Variants in ARMC6 observed in about 807,000 individuals in gnomAD.
The protein encoded by ARMC6 is armadillo repeat-containing protein 6.
ARMC6 carries 43 observed loss-of-function variants against 49.2 expected under a neutral mutation model. That is an observed-to-expected ratio of 0.87 (90% CI 0.69 to 1.13). The LOEUF (loss-of-function observed/expected upper bound fraction) is 1.13. Ranked by LOEUF, ARMC6 falls within the 50% of genes most tolerant of loss-of-function variation. The probability of loss-of-function intolerance (pLI) is 0.00; values close to 1 mark genes in which losing one functional copy is unlikely to be tolerated. For synonymous variants in ARMC6, 262 were observed against 289.6 expected (o/e 0.90, Z 0.97); for missense variants, 627 against 682.0 (o/e 0.92, Z 0.90).
chr19:19,057,329 C>G (rs1170911587), intron 8 of ARMC6, 87 bp from the exon 9 acceptor site: 5 of 1,128,934 alleles, frequency 4.4e-6, no homozygotes, highest in Non-Finnish European at 6.5e-6. Flanking sequence ...ATGATCACCT[C>G]CATCTTGTTA....
At chr19:19,040,678 TCTGA>T (rs1362983995) in intron 2 of ARMC6, 3 of 338,224 alleles carry the variant, frequency 8.9e-6, no homozygotes, top group Non-Finnish European at 1.8e-5. Flanking sequence ...TGCAACATCG[TCTGA>T]CTGTCAGCCA....
chr19:19,045,510 A>G (rs1208837600), intron 4 of ARMC6, among the ~76,000 whole-genome samples: 1 of 6,084 alleles, frequency 1.6e-4, no homozygotes, highest in Non-Finnish European at 3.7e-4. Context: ...TTTTTGAGAC[A>G]AGAGTCTCAC....
intron 8 of ARMC6, 86 bp downstream of exon 8, chr19:19,056,014 GC>G: frequency 6.9e-7 from 1 of 1,452,686 alleles, no homozygotes; most frequent in Non-Finnish European, 9.2e-7. Flanking sequence ...GGTGCGGTGT[GC>G]GGGTGGGTGA....
At chr19:19,038,943 A>G (rs140068540) in intron 2 of ARMC6, among the ~76,000 whole-genome samples, 151 of 151,334 alleles carry the variant, frequency 1.0e-3, no homozygotes, top group South Asian at 1.5e-3. Context: ...TTTAAGAGAT[A>G]TGGTCTCACT....
chr19:19,049,194 G>A (rs889238561), intron 4 of ARMC6, among the ~76,000 whole-genome samples: 12 of 151,284 alleles, frequency 7.9e-5, no homozygotes, highest in African/African-American at 2.9e-4. Context: ...CTGACTACAT[G>A]GTGTGAGCCA....
chr19:19,048,518 G>GA (rs768327379), intron 4 of ARMC6, among the ~76,000 whole-genome samples: 287 of 119,398 alleles, frequency 2.4e-3, no homozygotes, highest in Middle Eastern at 0.013. Flanking sequence ...ATGAGACTCA[G>GA]AAAAAAAAAA....
At chr19:19,056,364 C>T (rs1333042648) in intron 8 of ARMC6, among the ~76,000 whole-genome samples, 6 of 150,900 alleles carry the variant, frequency 4.0e-5, no homozygotes, top group Non-Finnish European at 7.4e-5. Flanking sequence ...TGGGTTCAAG[C>T]GATTCTCCTG....
At position 19,051,525 on chromosome 19, in the gene ARMC6, C is replaced by T. The variant is rs2059496913; in HGVS notation, c.280-97C>T. 4.2e-6 allele frequency: 5 copies of T among 1,182,146 alleles called. No homozygotes were observed. The African/African-American group carries it at 4.6e-5, about 11-fold the overall frequency. 73.2% of individuals were successfully genotyped at this position (1,182,146 alleles called of 1,614,324 possible). The stretch of plus-strand genomic sequence containing the variant: ...ATCACTTCCACTGCAGGCCCAGATC[C>T]CAGGGGAGGGAACCTTGCAGGGGTC... On this transcript the variant is annotated intron_variant, in intron 4 of 8. Coordinates refer to ENST00000535612, the MANE Select transcript of ARMC6 (RefSeq NM_001199196.2).
rs1298091443 is a variant in ARMC6, at chr19:19,055,834, G to T, written c.1199G>T (p.Arg400Leu). 2 of 1,610,680 alleles carry T rather than the reference G, an allele frequency of 1.2e-6. No individual in the cohort carries two copies. Among genetic ancestry groups the T allele is most frequent in the Admixed American group, 3.3e-5 (2 of 59,884 alleles). ...GCGGCCCTGTGCTTCCTGGCCCTGC[G>T]TAAGCCCGACAACAGCCGCATCATC... ...SCAALCFLALRKPDNSRIIVE... is the reference protein window; with the variant it reads ...SCAALCFLALLKPDNSRIIVE... Residue 400 changes from arginine (R) to leucine (L), a missense_variant, in exon 8 of 9, where the codon CGT becomes CTT. Physicochemically the swap from Arg to Leu is moderately radical, Grantham distance 102. Coordinates refer to ENST00000535612, the MANE Select transcript of ARMC6 (RefSeq NM_001199196.2). The surrounding 1 kb of genome is among the most constrained non-coding windows in gnomAD (Gnocchi z 5.7).
intron 4 of ARMC6, among the ~76,000 whole-genome samples, chr19:19,045,519 ACT>A (rs1318009403): frequency 1.1e-4 from 1 of 9,260 alleles, no homozygotes; most frequent in African/African-American, 4.6e-4. Context: ...CAAGAGTCTC[ACT>A]CTGTTGCCCA....
rs765886715 is a variant in ARMC6, at chr19:19,055,906, A to T, written c.1271A>T (p.His424Leu). The T allele has an allele frequency of 1.2e-6, 2 of 1,611,554 alleles. No homozygotes were observed. The highest frequency in any genetic ancestry group is 3.3e-5 in the Admixed American group (2 of 59,972). ...GCAGCACTGCAGGCCATGAAGGCAC[A>T]CCCGCAGAAGGCCGGCGTGCAGGTG... ...AVAALQAMKA[H>L]PQKAGVQKQA... Residue 424 changes from histidine (H) to leucine (L), a missense_variant, in exon 8 of 9, where the codon CAC (histidine) becomes CTC (leucine). Coordinates refer to ENST00000535612, the MANE Select transcript of ARMC6 (RefSeq NM_001199196.2). This position sits in a 1 kb window ranked among gnomAD's most constrained non-coding sequence, Gnocchi z 5.7.
chr19:19,044,972 C>A (rs1375548594), intron 4 of ARMC6, among the ~76,000 whole-genome samples: 6 of 152,116 alleles, frequency 3.9e-5, no homozygotes, highest in Admixed American at 2.0e-4. Flanking sequence ...TGCTTTTTGC[C>A]TTTCTTGCCT....
chr19:19,041,007 G>T (rs533580377), intron 2 of ARMC6, among the ~76,000 whole-genome samples: 3 of 151,992 alleles, frequency 2.0e-5, no homozygotes, highest in Non-Finnish European at 2.9e-5. Context: ...TGTTTTTAAA[G>T]ATTTTATGTA....
At chr19:19,041,121 A>G (rs1054336583) in intron 2 of ARMC6, among the ~76,000 whole-genome samples, 1 of 152,092 alleles carries the variant, frequency 6.6e-6, no homozygotes, top group Non-Finnish European at 1.5e-5. Flanking sequence ...GGAGTGAGCC[A>G]CCTAGCCCTG....
intron 4 of ARMC6, among the ~76,000 whole-genome samples, chr19:19,046,122 G>T (rs772580195): frequency 6.6e-6 from 1 of 152,160 alleles, no homozygotes; most frequent in Non-Finnish European, 1.5e-5. Flanking sequence ...CTGAAAGGCC[G>T]TTCTACCAGC....
At chr19:19,045,723 C>G (rs937609107) in intron 4 of ARMC6, among the ~76,000 whole-genome samples, 76 of 151,254 alleles carry the variant, frequency 5.0e-4, no homozygotes, top group African/African-American at 1.7e-3. Flanking sequence ...GTGATCTTGG[C>G]TCACTGCAAG....
At position 19,055,303 on chromosome 19, in the gene ARMC6, C is replaced by T. The variant is rs774514859; in HGVS notation, c.1062C>T (p.Ile354=). The change falls in exon 7 of 9, where the codon ATC becomes ATT. Residue 354 remains isoleucine, a synonymous_variant. Transcript: ENST00000535612. This position sits in a 1 kb window ranked among gnomAD's most constrained non-coding sequence, Gnocchi z 5.7. ...VKQVLSTLRA[I]AGNDDVKDAI... is the part of the protein sequence containing the mutation. ...AAGTGCTGAGCACCCTGCGAGCCAT[C>T]GCAGGCAACGACGACGTGAAAGATG... 15 of 1,612,316 alleles carry T rather than the reference C, an allele frequency of 9.3e-6. No homozygotes were observed. The highest frequency in any genetic ancestry group is 6.6e-5 in the South Asian group (6 of 90,900).
intron 4 of ARMC6, among the ~76,000 whole-genome samples, chr19:19,045,087 T>G (rs2059438469): frequency 6.6e-6 from 1 of 152,216 alleles, no homozygotes. Flanking sequence ...CTCAGCTCAC[T>G]GCAACTTCCA....
intron 5 of ARMC6, among the ~76,000 whole-genome samples, chr19:19,053,436 A>G (rs2059515534): frequency 6.6e-6 from 1 of 152,144 alleles, no homozygotes; most frequent in Non-Finnish European, 1.5e-5. Context: ...GTGGTGAGCC[A>G]AGATCACGCC....
Sources: allele counts gnomAD v4.1 joint callset (sites outside exome capture counted in the v4.1 genomes callset), GRCh38; gene constraint gnomAD v4.1.1; non-coding constraint Gnocchi (gnomAD v3.1); transcripts MANE v1.5; gene names NCBI Gene and HGNC (gene_info 2026-07-23, HGNC 2026-07-21).